HCN1: variants seen among roughly 807,000 people sequenced by gnomAD.
HCN1 encodes hyperpolarization activated cyclic nucleotide gated potassium channel 1.
Under a neutral mutation model 78.9 loss-of-function variants are expected in HCN1, and 13 were observed. That is an observed-to-expected ratio of 0.16 (90% confidence interval 0.11 to 0.26). The LOEUF (loss-of-function observed/expected upper bound fraction) is 0.26. Ranked by LOEUF, HCN1 falls within the 10% of genes least tolerant of loss-of-function variation. The pLI, the probability that HCN1 is intolerant of heterozygous loss-of-function variation, is 1.00. For synonymous variants in HCN1, 552 were observed against 455.5 expected (o/e 1.21, Z -2.70); for missense variants, 810 against 1,154.3 (o/e 0.70, Z 4.32).
At chr5:45,574,810 A>G (rs1468136738) in intron 2 of HCN1, 2 of 152,180 alleles carry the variant, frequency 1.3e-5, no homozygotes, top group Non-Finnish European at 2.9e-5. Flanking sequence ...GTTGATGTGG[A>G]GAAAGTTTGA....
chr5:45,269,474 C>T lies in HCN1; in HGVS notation c.1619-2221G>A, dbSNP rs143748528. ...CTTTCTCTTGTGTGTTGAATGTTTTCTTTTGGTAATCTATTGATGTCCAAT... is the reference window on the plus strand; with the variant it reads ...CTTTCTCTTGTGTGTTGAATGTTTTTTTTTGGTAATCTATTGATGTCCAAT... On this transcript the variant is annotated intron_variant, in intron 6 of 7. Transcript: ENST00000303230. Among the ~76,000 whole-genome samples, 89 of 151,980 alleles carry T rather than the reference C, an allele frequency of 5.9e-4. 1 individual carries two copies. The East Asian group carries it at 9.5e-3, about 16-fold the overall frequency.
Position 45,261,743 on chromosome 5 carries a change from G to C in HCN1, c.*178C>G, listed in dbSNP as rs369498956. ...CTTTTGACCCTCTCTTGGGAATTTA[G>C]ATATATATTTTATAGTATATGTATA... On this transcript the variant is annotated 3_prime_UTR_variant, in exon 8 of 8. Coordinates refer to ENST00000303230, the MANE Select transcript of HCN1 (RefSeq NM_021072.4). 4.4e-4 allele frequency: 273 copies of C among 615,872 alleles called. 7 individuals are homozygous for C. In the South Asian group the frequency reaches 6.4e-3, roughly 14 times the overall value. The allele number at this position is 615,872 out of a possible 1,614,324, so 38.2% of individuals were successfully genotyped here. A position where few individuals can be genotyped will look rare whatever the true frequency, so the allele number is the denominator to read the frequency against.
intron 6 of HCN1, among the ~76,000 whole-genome samples, 177 bp from the exon 7 acceptor site, chr5:45,267,430 C>A (rs2111847213): frequency 6.6e-6 from 1 of 151,444 alleles, no homozygotes; most frequent in Admixed American, 6.6e-5. Context: ...AATACTCAAT[C>A]TTAAAATAAT....
rs377257840 is a variant in HCN1 at position 45,491,416 on chromosome 5, T to TA, written c.850-29410dup. On this transcript the variant is annotated intron_variant, in intron 2 of 7. Coordinates refer to ENST00000303230, the MANE Select transcript of HCN1 (RefSeq NM_021072.4). The stretch of plus-strand genomic sequence containing the variant: ...ATAATTATGATATCAGTTGAAACAT[T>TA]AAAAAAAACAAATTTGAAATTTGAG... 7.0e-4 allele frequency among the ~76,000 whole-genome samples: 107 copies of TA among 151,876 alleles called. 1 individual carries two copies. The highest frequency in any genetic ancestry group is 3.9e-3 in the Admixed American group (59 of 15,210).
At chr5:45,328,202 T>A (rs1746273768) in intron 5 of HCN1, among the ~76,000 whole-genome samples, 1 of 151,722 alleles carries the variant, frequency 6.6e-6, no homozygotes, top group Non-Finnish European at 1.5e-5. Context: ...AACTAAGCAC[T>A]TATCATGATT....
At chr5:45,643,641 T>C (rs1235260747) in intron 2 of HCN1, 2 of 152,174 alleles carry the variant, frequency 1.3e-5, no homozygotes, top group African/African-American at 4.8e-5. Context: ...TTCTTACTAG[T>C]TCTATGAATC....
chr5:45,324,573 C>T (rs896161022), intron 5 of HCN1, among the ~76,000 whole-genome samples: 18 of 151,716 alleles, frequency 1.2e-4, no homozygotes, highest in African/African-American at 4.4e-4. Flanking sequence ...CTAGTTCAAC[C>T]TAAAGTAAGA....
intron 3 of HCN1, among the ~76,000 whole-genome samples, chr5:45,460,642 C>A (rs534372371): frequency 8.6e-5 from 13 of 150,530 alleles, no homozygotes; most frequent in African/African-American, 3.2e-4. Context: ...TGAAATGAAG[C>A]GAGATCTAGG....
intron 2 of HCN1, among the ~76,000 whole-genome samples, chr5:45,589,369 T>C (rs941684637): frequency 3.3e-5 from 5 of 152,272 alleles, no homozygotes; most frequent in Non-Finnish European, 5.9e-5. Flanking sequence ...AAGTCTTACA[T>C]AGAGAAAAAG....
intron 2 of HCN1, among the ~76,000 whole-genome samples, chr5:45,552,032 T>G (rs1310178239): frequency 2.0e-5 from 3 of 151,916 alleles, no homozygotes; most frequent in Non-Finnish European, 2.9e-5. Flanking sequence ...TTGCCACAAT[T>G]TTAATTACAC....
intron 1 of HCN1, among the ~76,000 whole-genome samples, chr5:45,680,019 T>A (rs1405930169): frequency 6.6e-6 from 1 of 152,134 alleles, no homozygotes; most frequent in Admixed American, 6.6e-5. Context: ...ACAAGCATGA[T>A]AAAGTTAAAA....
At position 45,649,742 on chromosome 5, in the gene HCN1, A is replaced by T. The variant is rs1191537915; in HGVS notation, c.426-4134T>A. Among the ~76,000 whole-genome samples the T allele has an allele frequency of 2.0e-5, 3 of 152,282 alleles. No individual in the cohort carries two copies. In the East Asian group the frequency reaches 5.8e-4, roughly 29 times the overall value. On this transcript the variant is annotated intron_variant, in intron 1 of 7. Coordinates refer to ENST00000303230, the MANE Select transcript of HCN1 (RefSeq NM_021072.4). Reference sequence around the variant, plus strand: ...CTATATATTTTCTGCTATAAGATAGATAGCATCTAAGATAGCAAATGTTAA... The same window carrying T: ...CTATATATTTTCTGCTATAAGATAGTTAGCATCTAAGATAGCAAATGTTAA...
chr5:45,366,091 T>C (rs1579842811), intron 4 of HCN1, among the ~76,000 whole-genome samples: 1 of 151,868 alleles, frequency 6.6e-6, no homozygotes, highest in Admixed American at 6.6e-5. Flanking sequence ...ATAATTTAGA[T>C]AAGTTTGGGT....
At chr5:45,323,424 TG>T (rs1342751581) in intron 5 of HCN1, among the ~76,000 whole-genome samples, 2 of 151,908 alleles carry the variant, frequency 1.3e-5, no homozygotes, top group African/African-American at 4.8e-5. Flanking sequence ...CAGTAAGCAC[TG>T]CTGTAGAACA....
intron 2 of HCN1, among the ~76,000 whole-genome samples, chr5:45,530,412 T>TTATATATA (rs59818959): frequency 6.7e-6 from 1 of 148,678 alleles, no homozygotes; most frequent in African/African-American, 2.5e-5. Context: ...GATTGTGTTT[T>TTATATATA]TATATATATA....
chr5:45,302,634 T>C (rs1323677934), intron 6 of HCN1, among the ~76,000 whole-genome samples: 1 of 150,966 alleles, frequency 6.6e-6, no homozygotes, highest in Non-Finnish European at 1.5e-5. Flanking sequence ...ATATATTTTA[T>C]ATATATAATT....
In HCN1 at chr5:45,258,704, C is replaced by T. The variant is rs1490064672; in HGVS notation, c.*3217G>A. 2 of 151,690 alleles carry T rather than the reference C, an allele frequency of 1.3e-5. No homozygotes were observed. The highest frequency in any genetic ancestry group is 2.9e-5 in the Non-Finnish European group (2 of 67,888). 9.4% of individuals were successfully genotyped at this position (151,690 alleles called of 1,614,324 possible). ...CAAACCTATTTTGTTATAATAGGGC[C>T]TTGGGCCTACTATACAAACCTATTT... On this transcript the variant is annotated 3_prime_UTR_variant, in exon 8 of 8. Transcript: ENST00000303230.
At chr5:45,375,889 TTA>T (rs1226716551) in intron 4 of HCN1, among the ~76,000 whole-genome samples, 13 of 123,068 alleles carry the variant, frequency 1.1e-4, no homozygotes, top group African/African-American at 4.2e-4. Flanking sequence ...ATCTTATATA[TTA>T]TATATGATAT....
At chr5:45,378,186 A>C (rs1747728942) in intron 4 of HCN1, among the ~76,000 whole-genome samples, 1 of 151,968 alleles carries the variant, frequency 6.6e-6, no homozygotes, top group South Asian at 2.1e-4. Context: ...CTAGTTAGCA[A>C]ATGTCAGGAA....
Sources: gnomAD v4.1 joint callset for allele counts (sites outside exome capture counted in the v4.1 genomes callset) on GRCh38, gnomAD v4.1.1 for gene constraint, MANE v1.5 for transcripts, NCBI Gene and HGNC (gene_info 2026-07-23, HGNC 2026-07-21) for gene names.